The following ZNF275 variants were observed in gnomAD, a reference collection of about 807,000 sequenced individuals.
The protein encoded by ZNF275 is zinc finger protein 275.
ZNF275 carries 4 observed loss-of-function variants against 4.3 expected under a neutral mutation model. The ratio of observed to expected loss-of-function variants is 0.93; its 90% CI spans 0.46 to 2.13. The LOEUF (loss-of-function observed/expected upper bound fraction) is 2.13, where lower values mean the gene tolerates loss of function less well. Ranked by LOEUF, ZNF275 falls within the 30% of genes most tolerant of loss-of-function variation. The pLI is 0.02. For missense variants in ZNF275, 352 were observed against 397.1 expected (o/e 0.89, Z 0.97); for synonymous variants, 173 against 166.9 (o/e 1.04, Z -0.28).
intron 2 of ZNF275, 139 bp from the exon 3 acceptor site, chrX:153,345,381 A>T: frequency 2.2e-6 from 1 of 445,552 alleles, no homozygotes; most frequent in Non-Finnish European, 3.9e-6. Flanking sequence ...AACACCTTTG[A>T]ACTGAATGAA....
intron 1 of ZNF275, chrX:153,335,384 T>A (rs2124200865): frequency 9.2e-6 from 1 of 108,942 alleles, no homozygotes; most frequent in South Asian, 4.2e-4. Context: ...CCCTAGGTAC[T>A]AATGCTGCCT....
At chrX:153,339,509 A>ATT (rs112269405) in intron 2 of ZNF275, among the ~76,000 whole-genome samples, 8 of 105,120 alleles carry the variant, frequency 7.6e-5, no homozygotes, top group South Asian at 4.3e-4. Flanking sequence ...CATCTCTACA[A>ATT]TTTTTTTTTT....
chrX:153,334,518 T>A (rs2088431017), intron 1 of ZNF275, among the ~76,000 whole-genome samples: 1 of 109,520 alleles, frequency 9.1e-6, no homozygotes, highest in South Asian at 3.9e-4. Context: ...TGCTCGGCCT[T>A]GGGCGGGCCA....
rs1478411940 is a variant in ZNF275 at position 153,349,915 on chromosome X, C to T, written c.*1940C>T. On this transcript the variant is annotated 3_prime_UTR_variant, in exon 4 of 4. Transcript: ENST00000650114. ...TCTGTGACTGCTCATCATTATAGAC[C>T]CCGCCAGCAGCAGTGGGGCTTGGCC... 2 of 123,539 alleles carry T rather than the reference C, an allele frequency of 1.6e-5. No individual in the cohort carries two copies. The highest frequency in any genetic ancestry group is 6.5e-5 in the African/African-American group (2 of 30,849). The allele number at this position is 123,539 out of a possible 1,213,427, so 10.2% of individuals were successfully genotyped here. A position where few individuals can be genotyped will look rare whatever the true frequency, so the allele number is the denominator to read the frequency against.
intron 1 of ZNF275, 40 bp from the exon 2 acceptor site, chrX:153,336,594 A>C (rs1184798635): frequency 2.3e-5 from 23 of 993,032 alleles, no homozygotes; most frequent in Non-Finnish European, 3.1e-5. Context: ...AGGTGCACAC[A>C]GGTCTGCTTC....
chrX:153,347,867 C>T lies in ZNF275; in HGVS notation c.1182C>T (p.Arg394=). ...KAFRRSSGLS[R]HRRIHSGARR... Reference sequence around the variant, plus strand: ...TCCGCCGGAGCTCCGGCCTCAGTCGCCACCGGCGGATCCACAGTGGGGCGC... The same window carrying T: ...TCCGCCGGAGCTCCGGCCTCAGTCGTCACCGGCGGATCCACAGTGGGGCGC... The change falls in exon 4 of 4, where the codon CGC becomes CGT. Residue 394 remains arginine (R), a synonymous_variant. Coordinates refer to ENST00000650114, the MANE Select transcript of ZNF275 (RefSeq NM_001367757.1). 3 of 1,200,582 alleles carry T rather than the reference C, an allele frequency of 2.5e-6. No individual in the cohort carries two copies. Among genetic ancestry groups the T allele is most frequent in the Non-Finnish European group, 3.4e-6 (3 of 889,712 alleles).
chrX:153,345,087 G>T, intron 2 of ZNF275: 1 of 202,229 alleles, frequency 4.9e-6, no homozygotes, highest in East Asian at 1.2e-4. Context: ...TGTGAGAAAG[G>T]TTGACGTGAT....
chrX:153,345,044 G>A (rs1163249626), intron 2 of ZNF275: 6 of 202,755 alleles, frequency 3.0e-5, no homozygotes, highest in Non-Finnish European at 5.6e-5. Flanking sequence ...CACAAATTAT[G>A]CAAATTGCAT....
At chrX:153,342,699 G>A (rs1455221100) in intron 2 of ZNF275, among the ~76,000 whole-genome samples, 1 of 112,193 alleles carries the variant, frequency 8.9e-6, no homozygotes, top group Non-Finnish European at 1.9e-5. Flanking sequence ...GACCTTGAAT[G>A]TCTCCCTACC....
chrX:153,336,604 C>T, intron 1 of ZNF275, 30 bp from the exon 2 acceptor site: 1 of 1,062,966 alleles, frequency 9.4e-7, no homozygotes, highest in Non-Finnish European at 1.3e-6. Context: ...AGGTCTGCTT[C>T]TGTTCACCTG....
chrX:153,349,713 C>T lies in ZNF275; in HGVS notation c.*1738C>T, dbSNP rs1245206004. The T allele has an allele frequency of 8.1e-6, 1 of 123,613 alleles. No homozygotes were observed. The highest frequency in any genetic ancestry group is 1.9e-5 in the Non-Finnish European group (1 of 53,351). The allele number at this position is 123,613 out of a possible 1,213,427, so 10.2% of individuals were successfully genotyped here. On this transcript the variant is annotated 3_prime_UTR_variant, in exon 4 of 4. Transcript: ENST00000650114. ...TAATTACAAACAAAAAGCTGCAACC[C>T]CAGCCCATCAGAAGGTGAGTACACC...
At position 153,339,917 on chromosome X, in the gene ZNF275, G is replaced by A. The variant is rs914481762; in HGVS notation, c.31+3207G>A. Among the ~76,000 whole-genome samples, 12 of 111,775 alleles carry A rather than the reference G, an allele frequency of 1.1e-4. No individual in the cohort carries two copies. The East Asian group carries it at 2.5e-3, about 24-fold the overall frequency. On this transcript the variant is annotated intron_variant, in intron 2 of 3. Coordinates refer to ENST00000650114, the MANE Select transcript of ZNF275 (RefSeq NM_001367757.1). ...CTTAGGTCTCTGGCCTGAGGTCAGC[G>A]AGAAGAGGTCTCTAACAGGTCCTCT...
rs181816143 is a variant in ZNF275, at chrX:153,349,589, C to T, written c.*1614C>T. 11 of 123,720 alleles carry T rather than the reference C, an allele frequency of 8.9e-5. No individual in the cohort carries two copies. Among genetic ancestry groups the T allele is most frequent in the South Asian group, 3.7e-4 (1 of 2,726 alleles). The allele number at this position is 123,720 out of a possible 1,213,427, so 10.2% of individuals were successfully genotyped here. A position where few individuals can be genotyped will look rare whatever the true frequency, so the allele number is the denominator to read the frequency against. On this transcript the variant is annotated 3_prime_UTR_variant, in exon 4 of 4. Transcript: ENST00000650114. Reference sequence around the variant, plus strand: ...TTTTATTACGTTTTTGTTGTGAAAGCTTTTAATTTTTACATATCCAAGCAT... The same window carrying T: ...TTTTATTACGTTTTTGTTGTGAAAGTTTTTAATTTTTACATATCCAAGCAT...
In ZNF275 at chrX:153,347,520, G is replaced by A. The variant is rs782458088; in HGVS notation, c.835G>A (p.Gly279Arg). The change falls in exon 4 of 4, where the codon GGG (glycine) becomes AGG (arginine). Residue 279 changes from glycine (G) to arginine (R), a missense_variant. Coordinates refer to ENST00000650114, the MANE Select transcript of ZNF275 (RefSeq NM_001367757.1). ...DCGKSFRGVNGLAEHQRIHSG... is the reference protein window; with the variant it reads ...DCGKSFRGVNRLAEHQRIHSG... ...CGGCAAGTCCTTCCGAGGGGTCAAC[G>A]GGCTGGCCGAGCACCAGCGCATCCA... is the stretch of plus-strand genomic sequence containing the variant. The A allele has an allele frequency of 1.7e-6, 2 of 1,194,189 alleles. No individual in the cohort carries two copies. The highest frequency in any genetic ancestry group is 3.0e-5 in the East Asian group (1 of 33,644).
In ZNF275 at chrX:153,345,606, C is replaced by A. The variant is rs1238715326; in HGVS notation, c.118C>A (p.Pro40Thr). 8.3e-7 allele frequency: 1 copy of A among 1,207,194 alleles called. No individual in the cohort carries two copies. Among genetic ancestry groups the A allele is most frequent in the Non-Finnish European group, 1.1e-6 (1 of 891,481 alleles). ...GTCAGACCCATCGCCCAACACTGAT[C>A]CTGCTAAGTACTCTGGTGAGTGAAA... ...LVSDPSPNTD[P>T]AKYSESTSAT... The change falls in exon 3 of 4, where the codon CCT becomes ACT. Residue 40 changes from proline (P) to threonine (T), a missense_variant. Coordinates refer to ENST00000650114, the MANE Select transcript of ZNF275 (RefSeq NM_001367757.1).
intron 2 of ZNF275, chrX:153,344,829 G>A (rs782327436): frequency 8.4e-6 from 3 of 357,594 alleles, no homozygotes; most frequent in African/African-American, 7.8e-5. Context: ...TTGGAGTGGG[G>A]CAGGGGACAC....
chrX:153,347,445 A>G lies in ZNF275; in HGVS notation c.760A>G (p.Lys254Glu). ...TTTCCTGGATCGCCAGGAGCTTCTC[A>G]AGCACCAGCGCATGCACACTGGCCA... ...RDFLDRQELLKHQRMHTGHLP... is the reference protein window; with the variant it reads ...RDFLDRQELLEHQRMHTGHLP... The change falls in exon 4 of 4, where the codon AAG becomes GAG. Residue 254 changes from lysine (K) to glutamate (E), a missense_variant. Physicochemically the swap from Lys to Glu is moderately conservative, Grantham distance 56. Coordinates refer to ENST00000650114, the MANE Select transcript of ZNF275 (RefSeq NM_001367757.1). 8.3e-7 allele frequency: 1 copy of G among 1,211,088 alleles called. No homozygotes were observed. Among genetic ancestry groups the G allele is most frequent in the Non-Finnish European group, 1.1e-6 (1 of 895,046 alleles).
At chrX:153,339,924 G>A (rs1556960914) in intron 2 of ZNF275, among the ~76,000 whole-genome samples, 1 of 111,621 alleles carries the variant, frequency 9.0e-6, no homozygotes, top group African/African-American at 3.3e-5. Context: ...AGCGAGAAGA[G>A]GTCTCTAACA....
At position 153,344,132 on chromosome X, in the gene ZNF275, T is replaced by C. The variant is rs186612194; in HGVS notation, c.32-1388T>C. 420 of 328,697 alleles carry C rather than the reference T, an allele frequency of 1.3e-3. 3 individuals carry two copies. The highest frequency in any genetic ancestry group is 0.01 in the African/African-American group (377 of 37,493). The allele number at this position is 328,697 out of a possible 1,213,427, so 27.1% of individuals were successfully genotyped here. A position where few individuals can be genotyped will look rare whatever the true frequency, so the allele number is the denominator to read the frequency against. The stretch of plus-strand genomic sequence containing the variant: ...TTTCACTTTCTTTAGTTCCACCTAC[T>C]CCCCAAGGTCTTACCCTCCCCAGGA... On this transcript the variant is annotated intron_variant, in intron 2 of 3. Coordinates refer to ENST00000650114, the MANE Select transcript of ZNF275 (RefSeq NM_001367757.1).
Sources: gnomAD v4.1 joint callset for allele counts (sites outside exome capture counted in the v4.1 genomes callset) on GRCh38, gnomAD v4.1.1 for gene constraint, MANE v1.5 for transcripts, NCBI Gene and HGNC (gene_info 2026-07-23, HGNC 2026-07-21) for gene names.